TACC2: variants seen among roughly 807,000 people sequenced by gnomAD.
The protein encoded by TACC2 is transforming acidic coiled-coil-containing protein 2.
TACC2 carries 137 observed loss-of-function variants against 227.3 expected under a neutral mutation model. That is an observed-to-expected ratio of 0.60 (90% CI 0.52 to 0.69). TACC2 has a LOEUF of 0.69. Ranked by LOEUF, TACC2 falls within the 30% of genes least tolerant of loss-of-function variation. The pLI is 0.00. For synonymous variants in TACC2, 1,523 were observed against 1,487.5 expected, an observed-to-expected ratio of 1.02 and a Z score of -0.55; for missense variants, 3,470 against 3,694.4, an observed-to-expected ratio of 0.94 and a Z score of 1.57.
intron 3 of TACC2, among the ~76,000 whole-genome samples, chr10:122,057,781 G>A (rs1181032631): frequency 6.6e-6 from 1 of 152,078 alleles, no homozygotes; most frequent in African/African-American, 2.4e-5. Flanking sequence ...AGCCAAGATC[G>A]AGCCATTGCA....
At chr10:122,073,293 G>C (rs2078362740) in intron 3 of TACC2, among the ~76,000 whole-genome samples, 1 of 151,684 alleles carries the variant, frequency 6.6e-6, no homozygotes. Flanking sequence ...GGGAGCAGGG[G>C]GTCTCACCAT....
chr10:122,002,679 A>G (rs1954548626), intron 1 of TACC2, among the ~76,000 whole-genome samples: 1 of 152,132 alleles, frequency 6.6e-6, no homozygotes, highest in African/African-American at 2.4e-5. Context: ...GGTATGTTTA[A>G]GTGTTGTAAC....
chr10:122,228,855 G>A (rs17103236), intron 14 of TACC2, among the ~76,000 whole-genome samples: 3,324 of 152,056 alleles, frequency 0.022, 155 homozygotes, highest in East Asian at 0.21. Flanking sequence ...TCCATGGTTC[G>A]CCTTCTACAA....
intron 1 of TACC2, among the ~76,000 whole-genome samples, chr10:121,997,534 G>T (rs1953687321): frequency 1.3e-5 from 2 of 152,148 alleles, no homozygotes; most frequent in South Asian, 4.1e-4. Context: ...GGGTTGATGT[G>T]GTGGGCCAGG....
In TACC2 at chr10:122,254,132, T is replaced by C. The variant is rs1447930166; in HGVS notation, c.*76T>C. The C allele has an allele frequency of 1.6e-6, 2 of 1,235,282 alleles. No individual in the cohort carries two copies. The highest frequency in any genetic ancestry group is 1.5e-5 in the African/African-American group (1 of 67,444). The allele number at this position is 1,235,282 out of a possible 1,614,324, so 76.5% of individuals were successfully genotyped here. On this transcript the variant is annotated 3_prime_UTR_variant, in exon 23 of 23. Transcript: ENST00000369005. ...GCACACTGCTGTTCCTCCAGTTCCA[T>C]GGACAGGTTCTGTTTTCACTTTTTC... is the stretch of plus-strand genomic sequence containing the variant.
chr10:122,153,280 G>A (rs1159053863), intron 7 of TACC2, among the ~76,000 whole-genome samples: 1 of 152,202 alleles, frequency 6.6e-6, no homozygotes, highest in Non-Finnish European at 1.5e-5. Context: ...ATAAGCCATA[G>A]CGCCTGGCCC....
At chr10:122,036,105 C>G (rs1960232292) in intron 2 of TACC2, among the ~76,000 whole-genome samples, 1 of 152,200 alleles carries the variant, frequency 6.6e-6, no homozygotes, top group African/African-American at 2.4e-5. Flanking sequence ...CCTCAAGGTT[C>G]ACCCATGTTG....
At chr10:122,104,432 G>A (rs527929959) in intron 5 of TACC2, among the ~76,000 whole-genome samples, 10 of 151,984 alleles carry the variant, frequency 6.6e-5, no homozygotes, top group Non-Finnish European at 1.2e-4. Flanking sequence ...GCAGTGGTGC[G>A]ATCTTGTCTC....
At chr10:122,181,135 A>C (rs2093959584) in intron 7 of TACC2, among the ~76,000 whole-genome samples, 1 of 152,146 alleles carries the variant, frequency 6.6e-6, no homozygotes, top group Non-Finnish European at 1.5e-5. Context: ...TTCTCTCTTG[A>C]GTGGCTGTGA....
chr10:122,085,206 A>C lies in TACC2; in HGVS notation c.2706A>C (p.Gln902His). 1 of 1,614,040 alleles carries C rather than the reference A, an allele frequency of 6.2e-7. No homozygotes were observed. Among genetic ancestry groups the C allele is most frequent in the South Asian group, 1.1e-5 (1 of 91,052 alleles). Residue 902 changes from glutamine (Q) to histidine (H), a missense_variant, in exon 4 of 23, where the codon CAA becomes CAC. Physicochemically the swap from Gln to His is conservative, Grantham distance 24. Around this residue, in one of 10 missense-constraint regions of TACC2, gnomAD observed 1,924 missense variants for 1,978.3 expected, o/e 0.97. Transcript: ENST00000369005. Reference sequence around the variant, plus strand: ...AGCAGGCTTTGGGATCAGAACTTCAAAGTCAGCTCCCCAAAGGCACCCTGT... The same window carrying C: ...AGCAGGCTTTGGGATCAGAACTTCACAGTCAGCTCCCCAAAGGCACCCTGT... ...GQEQALGSEL[Q>H]SQLPKGTLSD... is the part of the protein sequence containing the mutation.
chr10:122,099,572 C>G (rs375975661), intron 5 of TACC2, among the ~76,000 whole-genome samples: 60 of 152,356 alleles, frequency 3.9e-4, no homozygotes, highest in African/African-American at 1.3e-3. Context: ...CCAGCAGCAT[C>G]CACATACTTC....
At chr10:122,140,809 G>C (rs1380205695) in intron 6 of TACC2, among the ~76,000 whole-genome samples, 7 of 152,216 alleles carry the variant, frequency 4.6e-5, no homozygotes, top group Admixed American at 2.6e-4. Context: ...TACTCGCTTT[G>C]CTTGAGCAAC....
intron 1 of TACC2, among the ~76,000 whole-genome samples, chr10:122,007,957 T>A (rs1245007499): frequency 3.9e-5 from 6 of 152,190 alleles, no homozygotes; most frequent in African/African-American, 1.4e-4. Flanking sequence ...TCTTGCCATG[T>A]GATGCCTCTG....
At position 122,083,978 on chromosome 10, in the gene TACC2, C is replaced by T. The variant is rs2079822028; in HGVS notation, c.1478C>T (p.Ser493Leu). ...EGDPGEVPAP[S>L]PQERGEHLNT... ...GACCCTGGAGAGGTTCCTGCCCCATCACCCCAGGAGAGGGGAGAGCACTTG... is the reference window on the plus strand; with the variant it reads ...GACCCTGGAGAGGTTCCTGCCCCATTACCCCAGGAGAGGGGAGAGCACTTG... The change falls in exon 4 of 23, where the codon TCA becomes TTA. Residue 493 changes from serine (S) to leucine (L), a missense_variant. Around this residue, in one of 10 missense-constraint regions of TACC2, gnomAD observed 1,924 missense variants for 1,978.3 expected, o/e 0.97. Transcript: ENST00000369005. The T allele has an allele frequency of 1.2e-6, 2 of 1,613,926 alleles. No homozygotes were observed. The highest frequency in any genetic ancestry group is 1.7e-5 in the Admixed American group (1 of 60,000).
chr10:122,085,331 T>G lies in TACC2; in HGVS notation c.2831T>G (p.Leu944Arg). ...CCAACGAGACAGAAGTTGCCTGCACTAGGGGAGAAGCGGCCAGAGGGAGCA... is the reference window on the plus strand; with the variant it reads ...CCAACGAGACAGAAGTTGCCTGCACGAGGGGAGAAGCGGCCAGAGGGAGCA... Reference protein sequence around the residue: ...SAPTRQKLPALGEKRPEGACG... With the variant: ...SAPTRQKLPARGEKRPEGACG... Residue 944 changes from leucine to arginine, a missense_variant, in exon 4 of 23, where the codon CTA (leucine) becomes CGA (arginine). Leu to Arg is a moderately radical substitution (Grantham distance 102). Around this residue, in one of 10 missense-constraint regions of TACC2, gnomAD observed 1,924 missense variants for 1,978.3 expected, o/e 0.97. Coordinates refer to ENST00000369005, the MANE Select transcript of TACC2 (RefSeq NM_206862.4). 2 of 1,613,870 alleles carry G rather than the reference T, an allele frequency of 1.2e-6. No individual in the cohort carries two copies. The highest frequency in any genetic ancestry group is 1.7e-6 in the Non-Finnish European group (2 of 1,179,996).
intron 3 of TACC2, among the ~76,000 whole-genome samples, chr10:122,065,612 G>A (rs2077291790): frequency 6.6e-6 from 1 of 152,158 alleles, no homozygotes; most frequent in African/African-American, 2.4e-5. Context: ...TTAAAAAAGT[G>A]TTAATTAAGT....
chr10:122,126,332 GT>G (rs2086860892), intron 5 of TACC2, among the ~76,000 whole-genome samples: 1 of 151,862 alleles, frequency 6.6e-6, no homozygotes, highest in African/African-American at 2.4e-5. Context: ...GTGTGTGTGT[GT>G]GTGTGTGTGT....
chr10:122,171,624 T>G (rs2093476239), intron 7 of TACC2, among the ~76,000 whole-genome samples: 1 of 152,266 alleles, frequency 6.6e-6, no homozygotes, highest in Non-Finnish European at 1.5e-5. Context: ...CCTTTCCGGC[T>G]AGTCATTATT....
intron 8 of TACC2, among the ~76,000 whole-genome samples, chr10:122,203,252 C>G (rs1173674211): frequency 6.8e-6 from 1 of 146,400 alleles, no homozygotes; most frequent in Non-Finnish European, 1.5e-5. Flanking sequence ...AGAGGCACCC[C>G]TCACCTCCCG....
Sources: allele counts gnomAD v4.1 joint callset (sites outside exome capture counted in the v4.1 genomes callset), GRCh38; gene constraint gnomAD v4.1.1; regional missense constraint gnomAD v4.1.1; transcripts MANE v1.5; gene names NCBI Gene and HGNC (gene_info 2026-07-23, HGNC 2026-07-21).